ZNF652: variants seen among roughly 807,000 people sequenced by gnomAD.
ZNF652 encodes the protein zinc finger protein 652.
Under a neutral mutation model 45.2 loss-of-function variants are expected in ZNF652, and 16 were observed. The ratio of observed to expected loss-of-function variants is 0.35; its 90% CI spans 0.24 to 0.54. The LOEUF is 0.54. Ranked by LOEUF, ZNF652 falls within the 20% of genes least tolerant of loss-of-function variation. ZNF652 has a pLI of 0.91. For missense variants in ZNF652, 614 were observed against 765.6 expected (o/e 0.80, Z 2.34); for synonymous variants, 250 against 260.6 (o/e 0.96, Z 0.39).
At chr17:49,318,410 T>TA (rs1256705119) in intron 1 of ZNF652, among the ~76,000 whole-genome samples, 3 of 152,182 alleles carry the variant, frequency 2.0e-5, no homozygotes, top group Non-Finnish European at 4.4e-5. Flanking sequence ...ACAATGCTTT[T>TA]AACTGCTTAA....
At position 49,317,036 on chromosome 17, in the gene ZNF652, G is replaced by A. The variant is rs1274868027; in HGVS notation, c.690C>T (p.Pro230=). 5 of 1,614,020 alleles carry A rather than the reference G, an allele frequency of 3.1e-6. No homozygotes were observed. The South Asian group carries it at 3.3e-5, about 11-fold the overall frequency. ...PKRKKRATKE[P]KAPVQKAKCE... is the part of the protein sequence containing the mutation. Reference sequence around the variant, plus strand: ...ACTTAGCTTTCTGGACTGGTGCTTTGGGCTCCTTTGTGGCCCGCTTCTTAC... The same window carrying A: ...ACTTAGCTTTCTGGACTGGTGCTTTAGGCTCCTTTGTGGCCCGCTTCTTAC... Residue 230 remains proline, a synonymous_variant, in exon 2 of 6, where the codon CCC becomes CCT. Coordinates refer to ENST00000430262, the MANE Select transcript of ZNF652 (RefSeq NM_001145365.3).
rs35770760 is a variant in ZNF652, at chr17:49,319,635, C to CAAAAA, written c.-258-1657_-258-1653dup. On this transcript the variant is annotated intron_variant, in intron 1 of 5. Transcript: ENST00000430262. ...CGACAGAGCTAGCTAGACTCTGTCT[C>CAAAAA]AAAAAAAAAAAAAAAAAAAAAAAAA... Among the ~76,000 whole-genome samples, 3 of 46,234 alleles carry CAAAAA rather than the reference C, an allele frequency of 6.5e-5. 1 individual carries two copies. Among genetic ancestry groups the CAAAAA allele is most frequent in the African/African-American group, 2.8e-4 (3 of 10,776 alleles). 30.3% of individuals were successfully genotyped at this position (46,234 alleles called of 152,430 possible).
rs1035831872 is a variant in ZNF652, at chr17:49,289,303, C to T, written c.*9110G>A. On this transcript the variant is annotated 3_prime_UTR_variant, in exon 6 of 6. Coordinates refer to ENST00000430262, the MANE Select transcript of ZNF652 (RefSeq NM_001145365.3). ...CCAGCATCTCAGAAAAATCATTAGG[C>T]GGCACACCTGTACCAGAGTCTCACA... 4.6e-5 allele frequency: 7 copies of T among 150,710 alleles called. No individual in the cohort carries two copies. The highest frequency in any genetic ancestry group is 9.8e-5 in the African/African-American group (4 of 40,848). The allele number at this position is 150,710 out of a possible 1,614,324, so 9.3% of individuals were successfully genotyped here. A position where few individuals can be genotyped will look rare whatever the true frequency, so the allele number is the denominator to read the frequency against.
chr17:49,324,660 G>A (rs2069936788), intron 1 of ZNF652, among the ~76,000 whole-genome samples: 1 of 150,964 alleles, frequency 6.6e-6, no homozygotes, highest in Non-Finnish European at 1.5e-5. Flanking sequence ...AAAGTGCTGG[G>A]ATTACAGGCA....
intron 1 of ZNF652, among the ~76,000 whole-genome samples, chr17:49,354,650 T>C (rs1381004991): frequency 6.6e-6 from 1 of 151,344 alleles, no homozygotes; most frequent in Non-Finnish European, 1.5e-5. Flanking sequence ...AAAAAAAACC[T>C]GTCCACTAAA....
At chr17:49,319,813 C>CA (rs1201990505) in intron 1 of ZNF652, among the ~76,000 whole-genome samples, 2 of 151,938 alleles carry the variant, frequency 1.3e-5, no homozygotes, top group Non-Finnish European at 2.9e-5. Flanking sequence ...GGCTAATTTT[C>CA]AAAAAAATTT....
intron 1 of ZNF652, among the ~76,000 whole-genome samples, chr17:49,324,148 C>T (rs1433056138): frequency 6.6e-6 from 1 of 152,246 alleles, no homozygotes; most frequent in Non-Finnish European, 1.5e-5. Flanking sequence ...TACATCAGCA[C>T]TTGCTGCTTC....
chr17:49,318,071 T>TAAATAATA (rs2069835516), intron 1 of ZNF652, 88 bp from the exon 2 acceptor site: 1 of 162,364 alleles, frequency 6.2e-6, no homozygotes, highest in African/African-American at 2.4e-5. Flanking sequence ...AAACAGGGCT[T>TAAATAATA]AAATAATAAT....
intron 1 of ZNF652, among the ~76,000 whole-genome samples, chr17:49,335,770 TTAAA>T (rs1195830118): frequency 6.6e-6 from 1 of 152,166 alleles, no homozygotes; most frequent in African/African-American, 2.4e-5. Context: ...TCCACAGTCT[TTAAA>T]TAAATATGAT....
chr17:49,314,569 C>T (rs1487936656), intron 2 of ZNF652, among the ~76,000 whole-genome samples: 2 of 152,146 alleles, frequency 1.3e-5, no homozygotes, highest in Non-Finnish European at 2.9e-5. Flanking sequence ...TTGTAAGAAT[C>T]TGTAGAAAAC....
At chr17:49,345,301 C>T (rs1302084222) in intron 1 of ZNF652, among the ~76,000 whole-genome samples, 2 of 150,380 alleles carry the variant, frequency 1.3e-5, no homozygotes, top group Non-Finnish European at 3.0e-5. Context: ...CTCCCGGGTT[C>T]AAGCAATTCC....
In ZNF652 at chr17:49,345,168, T is replaced by C. The variant is rs1598312922; in HGVS notation, c.-259+16741A>G. 2.0e-5 allele frequency among the ~76,000 whole-genome samples: 3 copies of C among 151,360 alleles called. No homozygotes were observed. In the South Asian group the frequency reaches 6.3e-4, roughly 32 times the overall value. ...ACTGGCGACTTTTTGGAAGGGGCAGTGAGGGGTGGTAGTAAGGAAGTTATC... is the reference window on the plus strand; with the variant it reads ...ACTGGCGACTTTTTGGAAGGGGCAGCGAGGGGTGGTAGTAAGGAAGTTATC... On this transcript the variant is annotated intron_variant, in intron 1 of 5. Coordinates refer to ENST00000430262, the MANE Select transcript of ZNF652 (RefSeq NM_001145365.3).
At chr17:49,312,906 T>C (rs761097687) in intron 2 of ZNF652, 61 bp from the exon 3 acceptor site, 1 of 1,542,736 alleles carries the variant, frequency 6.5e-7, no homozygotes. Context: ...ACCAGCCTAC[T>C]GGCAGACCAA....
chr17:49,336,321 C>A (rs62076443), intron 1 of ZNF652, among the ~76,000 whole-genome samples: 5 of 124,962 alleles, frequency 4.0e-5, no homozygotes, highest in African/African-American at 1.2e-4. Flanking sequence ...CCATGCCCAG[C>A]CCTTTTTTTT....
At chr17:49,340,926 A>G (rs1443948184) in intron 1 of ZNF652, among the ~76,000 whole-genome samples, 1 of 152,048 alleles carries the variant, frequency 6.6e-6, no homozygotes, top group Non-Finnish European at 1.5e-5. Context: ...ATATAGAAGA[A>G]AAAGTATGGC....
chr17:49,337,301 C>T (rs1205625253), intron 1 of ZNF652, among the ~76,000 whole-genome samples: 1 of 149,850 alleles, frequency 6.7e-6, no homozygotes, highest in African/African-American at 2.5e-5. Flanking sequence ...ATGCTGCTGC[C>T]CTCCAGCATG....
chr17:49,302,435 C>T (rs943649819), intron 5 of ZNF652, among the ~76,000 whole-genome samples: 2 of 150,424 alleles, frequency 1.3e-5, no homozygotes, highest in Non-Finnish European at 3.0e-5. Flanking sequence ...ACTACAGGCA[C>T]GTACCACCAC....
At chr17:49,299,688 C>T (rs2069526150) in intron 5 of ZNF652, among the ~76,000 whole-genome samples, 1 of 151,802 alleles carries the variant, frequency 6.6e-6, no homozygotes, top group South Asian at 2.1e-4. Flanking sequence ...GCTGCAATTT[C>T]TTTTTTAAAC....
At chr17:49,351,010 TATATACACACACACACACACACAC>T (rs2070272370) in intron 1 of ZNF652, among the ~76,000 whole-genome samples, 2 of 19,660 alleles carry the variant, frequency 1.0e-4, no homozygotes, top group African/African-American at 5.0e-4. Context: ...TATATATATA[TATATACACACACACACACACACAC>T]ACACACACAC....
Sources: gnomAD v4.1 joint callset for allele counts (sites outside exome capture counted in the v4.1 genomes callset) on GRCh38, gnomAD v4.1.1 for gene constraint, MANE v1.5 for transcripts, NCBI Gene and HGNC (gene_info 2026-07-23, HGNC 2026-07-21) for gene names.